USH2A: variants seen among roughly 807,000 people sequenced by gnomAD.
The protein encoded by USH2A is Usher syndrome 2A (autosomal recessive, mild).
USH2A carries 443 observed loss-of-function variants against 538.9 expected under a neutral mutation model. That is an observed-to-expected ratio of 0.82 (90% confidence interval 0.76 to 0.89). USH2A has a LOEUF of 0.89. Among genes scored for constraint, USH2A ranks in the 40% least tolerant of loss-of-function variants. The pLI is 0.00. For synonymous variants in USH2A, 2,413 were observed against 2,273.5 expected, an observed-to-expected ratio of 1.06 and a Z score of -1.75; for missense variants, 6,633 against 6,324.8, an observed-to-expected ratio of 1.05 and a Z score of -1.65.
chr1:216,078,869 GAC>G (rs1286373886), intron 26 of USH2A, among the ~76,000 whole-genome samples: 15 of 152,056 alleles, frequency 9.9e-5, no homozygotes, highest in Non-Finnish European at 1.3e-4. Context: ...AAATATGTAA[GAC>G]ATATTTTGAT....
chr1:215,643,096 A>T (rs185472496), intron 67 of USH2A, among the ~76,000 whole-genome samples: 2 of 152,076 alleles, frequency 1.3e-5, no homozygotes, highest in African/African-American at 4.8e-5. Flanking sequence ...CCCAGGTTCA[A>T]GTGATTCTCA....
At chr1:216,403,873 AGT>A (rs2039348187) in intron 3 of USH2A, among the ~76,000 whole-genome samples, 1 of 151,992 alleles carries the variant, frequency 6.6e-6, no homozygotes, top group Non-Finnish European at 1.5e-5. Flanking sequence ...CATGATAGTG[AGT>A]GAGTTCTCAC....
At chr1:215,885,380 A>G (rs969968726) in intron 41 of USH2A, among the ~76,000 whole-genome samples, 1 of 152,174 alleles carries the variant, frequency 6.6e-6, no homozygotes. Flanking sequence ...TCAATTTGGT[A>G]ATCTTTTATT....
At chr1:215,978,836 G>A (rs1667681704) in intron 35 of USH2A, among the ~76,000 whole-genome samples, 1 of 152,172 alleles carries the variant, frequency 6.6e-6, no homozygotes, top group South Asian at 2.1e-4. Context: ...AAGGTAATAT[G>A]TGAAATACCT....
At chr1:215,806,272 G>T (rs1439820128) in intron 49 of USH2A, among the ~76,000 whole-genome samples, 2 of 149,224 alleles carry the variant, frequency 1.3e-5, no homozygotes, top group Non-Finnish European at 2.9e-5. Context: ...CATATTTTTT[G>T]TTTAGTAATT....
intron 50 of USH2A, among the ~76,000 whole-genome samples, chr1:215,794,369 G>A (rs563712759): frequency 1.2e-4 from 18 of 152,302 alleles, no homozygotes; most frequent in Admixed American, 5.9e-4. Flanking sequence ...GCCCGGTCTC[G>A]TGGCAGGCAC....
At chr1:216,357,467 T>C (rs772076751) in intron 4 of USH2A, among the ~76,000 whole-genome samples, 8 of 152,092 alleles carry the variant, frequency 5.3e-5, no homozygotes, top group Non-Finnish European at 1.0e-4. Context: ...CTGGTAGAAA[T>C]TAGAAGTAGC....
intron 11 of USH2A, among the ~76,000 whole-genome samples, chr1:216,264,125 G>A (rs2036425988): frequency 6.6e-6 from 1 of 151,976 alleles, no homozygotes. Context: ...AAAATGGAAA[G>A]GCATCCCATG....
chr1:216,173,065 G>A (rs1222339806), intron 21 of USH2A, among the ~76,000 whole-genome samples: 1 of 152,066 alleles, frequency 6.6e-6, no homozygotes, highest in Non-Finnish European at 1.5e-5. Context: ...TACTTTATAG[G>A]GTTGCAGAGG....
intron 52 of USH2A, 102 bp downstream of exon 52, chr1:215,786,568 T>C (rs1358140594): frequency 1.6e-6 from 2 of 1,270,108 alleles, no homozygotes; most frequent in Non-Finnish European, 2.3e-6. Flanking sequence ...TGTACTGATA[T>C]CAGTTTAAGG....
intron 21 of USH2A, among the ~76,000 whole-genome samples, chr1:216,164,333 C>T (rs1364293196): frequency 6.6e-6 from 1 of 151,954 alleles, no homozygotes; most frequent in East Asian, 1.9e-4. Context: ...AAAAATGGCA[C>T]CAATATTATT....
intron 21 of USH2A, among the ~76,000 whole-genome samples, chr1:216,156,295 CTTTTTTTTTTTTTT>C (rs35698520): frequency 9.5e-6 from 1 of 105,526 alleles, no homozygotes; most frequent in Non-Finnish European, 1.9e-5. Context: ...TTTTTTTTTT[CTTTTTTTTTTTTTT>C]TTTGGCCTAG....
chr1:216,260,448 C>T (rs2036348482), intron 11 of USH2A, among the ~76,000 whole-genome samples: 1 of 152,024 alleles, frequency 6.6e-6, no homozygotes, highest in Non-Finnish European at 1.5e-5. Flanking sequence ...AGATTTTGTC[C>T]CCAGAGGAAC....
chr1:215,656,194 C>T (rs545151289), intron 64 of USH2A, among the ~76,000 whole-genome samples: 28 of 152,186 alleles, frequency 1.8e-4, no homozygotes, highest in South Asian at 1.2e-3. Flanking sequence ...CTCAATGTCT[C>T]ATATCTTTCT....
chr1:215,626,226 A>G (rs1458238316), intron 71 of USH2A, among the ~76,000 whole-genome samples: 1 of 150,188 alleles, frequency 6.7e-6, no homozygotes, highest in Non-Finnish European at 1.5e-5. Context: ...GTATATATAT[A>G]TATTTTTAGT....
intron 38 of USH2A, among the ~76,000 whole-genome samples, chr1:215,905,171 A>G (rs17025581): frequency 0.029 from 4,439 of 152,180 alleles, 238 homozygotes; most frequent in African/African-American, 0.1. Flanking sequence ...TTACAAACGT[A>G]GTTGGTGGCT....
At chr1:216,113,605 G>C (rs542539979) in intron 21 of USH2A, among the ~76,000 whole-genome samples, 1 of 152,104 alleles carries the variant, frequency 6.6e-6, no homozygotes, top group East Asian at 1.9e-4. Context: ...TTTGTCATTT[G>C]TGCATCCTTA....
chr1:215,853,228 G>C (rs1259119562), intron 44 of USH2A, among the ~76,000 whole-genome samples: 2 of 152,184 alleles, frequency 1.3e-5, no homozygotes, highest in Admixed American at 6.5e-5. Context: ...TCATGTGGAA[G>C]CTGCCAGGTC....
At chr1:216,075,373 C>T (rs927618058) in intron 27 of USH2A, among the ~76,000 whole-genome samples, 3 of 152,116 alleles carry the variant, frequency 2.0e-5, no homozygotes, top group Non-Finnish European at 4.4e-5. Context: ...GAATGAGATG[C>T]GAGGACAACA....
Sources: gnomAD v4.1 joint callset for allele counts (sites outside exome capture counted in the v4.1 genomes callset) on GRCh38, gnomAD v4.1.1 for gene constraint, MANE v1.5 for transcripts, NCBI Gene and HGNC (gene_info 2026-07-23, HGNC 2026-07-21) for gene names.